Variants in FAM149B1 observed in about 807,000 individuals in gnomAD.
FAM149B1 encodes family with sequence similarity 149 member B1.
A neutral mutation model predicts 75.3 loss-of-function variants in FAM149B1; 56 were observed. That is an observed-to-expected ratio of 0.74 (90% CI 0.60 to 0.93). The LOEUF (loss-of-function observed/expected upper bound fraction) is 0.93, where lower values mean the gene tolerates loss of function less well. Ranked by LOEUF, FAM149B1 falls within the 40% of genes least tolerant of loss-of-function variation. The probability of loss-of-function intolerance (pLI) is 0.00; values close to 1 mark genes in which losing one functional copy is unlikely to be tolerated. For synonymous variants in FAM149B1, 259 were observed against 256.1 expected (o/e 1.01, Z -0.11); for missense variants, 639 against 708.4 (o/e 0.90, Z 1.11).
intron 7 of FAM149B1, among the ~76,000 whole-genome samples, chr10:73,215,194 T>C (rs1017667205): frequency 1.3e-5 from 2 of 152,086 alleles, no homozygotes; most frequent in African/African-American, 4.8e-5. Context: ...CGTATTTTTG[T>C]ATTTTTAGTA....
intron 2 of FAM149B1, among the ~76,000 whole-genome samples, chr10:73,175,124 C>G (rs1482665673): frequency 6.6e-6 from 1 of 151,992 alleles, no homozygotes; most frequent in Non-Finnish European, 1.5e-5. Context: ...TATAGGAGGC[C>G]AAAAGGTGGG....
At chr10:73,183,034 T>C (rs997360824) in intron 3 of FAM149B1, among the ~76,000 whole-genome samples, 22 of 152,250 alleles carry the variant, frequency 1.4e-4, no homozygotes, top group African/African-American at 5.3e-4. Context: ...TCTCCCTGCC[T>C]GGGGACAATT....
At chr10:73,198,567 G>A (rs531869420) in intron 5 of FAM149B1, among the ~76,000 whole-genome samples, 2 of 152,258 alleles carry the variant, frequency 1.3e-5, no homozygotes, top group South Asian at 2.1e-4. Context: ...CACTTTGAGA[G>A]GCCGAGGCTG....
chr10:73,204,792 T>G (rs78966503), intron 5 of FAM149B1, among the ~76,000 whole-genome samples: 2 of 142,520 alleles, frequency 1.4e-5, no homozygotes, highest in Non-Finnish European at 3.1e-5. Context: ...TTTTTTTTTT[T>G]TTTGAGACGG....
chr10:73,179,061 T>G (rs1387899027), intron 3 of FAM149B1, among the ~76,000 whole-genome samples: 3 of 151,568 alleles, frequency 2.0e-5, no homozygotes, highest in Non-Finnish European at 4.4e-5. Flanking sequence ...GCCTCCCGGG[T>G]TCAAGCTATT....
At chr10:73,194,805 T>C (rs2042764133) in intron 5 of FAM149B1, among the ~76,000 whole-genome samples, 1 of 151,936 alleles carries the variant, frequency 6.6e-6, no homozygotes, top group African/African-American at 2.4e-5. Flanking sequence ...TGCCCCAGCC[T>C]CCTGATTAGC....
At position 73,192,618 on chromosome 10, in the gene FAM149B1, G is replaced by C; in HGVS notation, c.345G>C (p.Leu115Phe). 6.4e-7 allele frequency: 1 copy of C among 1,551,956 alleles called. No individual in the cohort carries two copies. Among genetic ancestry groups the C allele is most frequent in the East Asian group, 2.4e-5 (1 of 40,894 alleles). ...QTMFTAIDEL[L>F]YEQKLSVHTK... ...TGTTCACAGCCATTGATGAACTCTT[G>C]TATGAGCAGAAGTTGAGTGTGCATA... Residue 115 changes from leucine (L) to phenylalanine (F), a missense_variant, in exon 4 of 14, where the codon TTG (leucine) becomes TTC (phenylalanine). Leu to Phe is a conservative substitution (Grantham distance 22, BLOSUM62 0). Coordinates refer to ENST00000242505, the MANE Select transcript of FAM149B1 (RefSeq NM_173348.2).
intron 7 of FAM149B1, among the ~76,000 whole-genome samples, chr10:73,217,487 C>T (rs2043323190): frequency 6.6e-6 from 1 of 152,184 alleles, no homozygotes; most frequent in African/African-American, 2.4e-5. Context: ...TAGGGTTTCA[C>T]CTGGCTGCGT....
chr10:73,211,737 AATAG>A lies in FAM149B1; in HGVS notation c.898+1303_898+1306del, dbSNP rs376361101. ...TTTTTAAACTGCTTTATTAAAGCATAATAGATATATAATAAACTGCACTATTTTT... is the reference window on the plus strand; with the variant it reads ...TTTTTAAACTGCTTTATTAAAGCATAATATATAATAAACTGCACTATTTTT... On this transcript the variant is annotated intron_variant, in intron 7 of 13. Transcript: ENST00000242505. Among the ~76,000 whole-genome samples the A allele has an allele frequency of 2.6e-3, 390 of 152,350 alleles. 1 individual carries two copies. Among genetic ancestry groups the A allele is most frequent in the African/African-American group, 8.9e-3 (371 of 41,580 alleles).
intron 3 of FAM149B1, among the ~76,000 whole-genome samples, chr10:73,178,475 G>T (rs2133306542): frequency 6.8e-6 from 1 of 147,590 alleles, no homozygotes; most frequent in Non-Finnish European, 1.5e-5. Flanking sequence ...TGGGCAACAA[G>T]AACGAAACTG....
At chr10:73,173,678 T>C (rs1843817646) in intron 1 of FAM149B1, among the ~76,000 whole-genome samples, 1 of 152,246 alleles carries the variant, frequency 6.6e-6, no homozygotes, top group African/African-American at 2.4e-5. Flanking sequence ...TACTGTTGAC[T>C]GGAAGCCTTA....
intron 1 of FAM149B1, among the ~76,000 whole-genome samples, chr10:73,174,466 A>G (rs774332671): frequency 1.3e-5 from 2 of 152,330 alleles, no homozygotes; most frequent in Admixed American, 6.5e-5. Context: ...TTTAATATGT[A>G]ATCAAGATAA....
intron 10 of FAM149B1, 105 bp from the exon 11 acceptor site, chr10:73,234,712 G>A: frequency 8.2e-7 from 1 of 1,222,564 alleles, no homozygotes; most frequent in East Asian, 2.6e-5. Flanking sequence ...AGCTTTCTGT[G>A]CACATTAAAC....
intron 6 of FAM149B1, among the ~76,000 whole-genome samples, chr10:73,209,434 C>T (rs1475202551): frequency 2.0e-5 from 3 of 152,052 alleles, no homozygotes; most frequent in Non-Finnish European, 2.9e-5. Flanking sequence ...GGCAACAGAG[C>T]AAGACTCCAT....
intron 5 of FAM149B1, 80 bp from the exon 6 acceptor site, chr10:73,208,539 C>A (rs1255115616): frequency 5.6e-6 from 6 of 1,066,780 alleles, no homozygotes; most frequent in Non-Finnish European, 7.9e-6. Flanking sequence ...GGAGTTTGAG[C>A]CAAAACTCAT....
intron 5 of FAM149B1, among the ~76,000 whole-genome samples, chr10:73,197,149 G>A (rs1361572864): frequency 6.6e-6 from 1 of 151,886 alleles, no homozygotes; most frequent in Non-Finnish European, 1.5e-5. Flanking sequence ...GACCACAGGC[G>A]TGCTCCACCA....
At chr10:73,238,619 A>C (rs140044568) in intron 12 of FAM149B1, among the ~76,000 whole-genome samples, 5 of 152,200 alleles carry the variant, frequency 3.3e-5, no homozygotes, top group Non-Finnish European at 5.9e-5. Context: ...TATAATAACT[A>C]TCTGGCCCTT....
intron 1 of FAM149B1, among the ~76,000 whole-genome samples, chr10:73,173,588 G>A (rs564207376): frequency 6.6e-6 from 1 of 152,194 alleles, no homozygotes; most frequent in East Asian, 1.9e-4. Flanking sequence ...AACAATGCAG[G>A]GGTTAGGGGT....
Position 73,241,138 on chromosome 10 carries a change from G to A in FAM149B1, c.*119G>A, listed in dbSNP as rs536479123. The A allele has an allele frequency of 1.4e-6, 1 of 705,772 alleles. No homozygotes were observed. Among genetic ancestry groups the A allele is most frequent in the Non-Finnish European group, 2.5e-6 (1 of 398,294 alleles). 43.7% of individuals were successfully genotyped at this position (705,772 alleles called of 1,614,324 possible). On this transcript the variant is annotated 3_prime_UTR_variant, in exon 14 of 14. Transcript: ENST00000242505. ...CGACTAGAAATCATCTTCATGAAGA[G>A]TGATTTTGGCACAAGTGACCGAAGA...
Sources: gnomAD v4.1 joint callset for allele counts (sites outside exome capture counted in the v4.1 genomes callset) on GRCh38, gnomAD v4.1.1 for gene constraint, MANE v1.5 for transcripts, NCBI Gene and HGNC (gene_info 2026-07-23, HGNC 2026-07-21) for gene names.